Variants in HACE1 observed in about 807,000 individuals in gnomAD.
HACE1 encodes the protein HECT domain and ankyrin repeat containing E3 ubiquitin protein ligase 1, also known as E3 ubiquitin-protein ligase HACE1.
A neutral mutation model predicts 118.4 loss-of-function variants in HACE1; 73 were observed. That is an observed-to-expected ratio of 0.62 (90% CI 0.51 to 0.75). The LOEUF (loss-of-function observed/expected upper bound fraction) is 0.75, where lower values mean the gene tolerates loss of function less well. Among genes scored for constraint, HACE1 ranks in the 30% least tolerant of loss-of-function variants. HACE1 has a pLI of 0.00. For missense variants in HACE1, 749 were observed against 1,102.2 expected, an observed-to-expected ratio of 0.68 and a Z score of 4.54; for synonymous variants, 368 against 374.8, an observed-to-expected ratio of 0.98 and a Z score of 0.21.
chr6:104,848,963 C>T (rs188321427), intron 4 of HACE1, among the ~76,000 whole-genome samples, 179 bp downstream of exon 4: 4 of 151,960 alleles, frequency 2.6e-5, no homozygotes, highest in Admixed American at 2.6e-4. Flanking sequence ...TAAAGAAGAA[C>T]AATATCATCA....
chr6:104,746,839 C>A (rs766080530), intron 20 of HACE1, among the ~76,000 whole-genome samples: 3 of 152,166 alleles, frequency 2.0e-5, no homozygotes, highest in Non-Finnish European at 2.9e-5. Context: ...TCTTACAATT[C>A]ATGAGTTTAA....
chr6:104,768,584 A>G (rs1469592016), intron 19 of HACE1, among the ~76,000 whole-genome samples: 1 of 151,788 alleles, frequency 6.6e-6, no homozygotes, highest in African/African-American at 2.4e-5. Context: ...CACAATTACT[A>G]TACTGGTAAC....
intron 11 of HACE1, among the ~76,000 whole-genome samples, chr6:104,788,425 A>G (rs1782664250): frequency 6.6e-6 from 1 of 152,148 alleles, no homozygotes; most frequent in African/African-American, 2.4e-5. Flanking sequence ...TCTCGAGCTT[A>G]CTGAACGATT....
At chr6:104,744,443 T>C in intron 21 of HACE1, 69 bp downstream of exon 21, 1 of 925,272 alleles carries the variant, frequency 1.1e-6, no homozygotes, top group East Asian at 2.4e-5. Context: ...TTTCATCCAA[T>C]AGTGCTGAAA....
chr6:104,790,365 A>T (rs1020885215), intron 11 of HACE1, among the ~76,000 whole-genome samples: 2 of 152,242 alleles, frequency 1.3e-5, no homozygotes, highest in African/African-American at 4.8e-5. Flanking sequence ...AAAGCTTTCA[A>T]TCCTAACTAG....
intron 3 of HACE1, among the ~76,000 whole-genome samples, 190 bp from the exon 4 acceptor site, chr6:104,849,436 A>G (rs1349846076): frequency 1.3e-5 from 2 of 152,114 alleles, no homozygotes; most frequent in African/African-American, 4.8e-5. Flanking sequence ...TCCTGGGCTC[A>G]AGCAATCCTC....
intron 19 of HACE1, among the ~76,000 whole-genome samples, chr6:104,764,689 CA>C (rs1424625802): frequency 6.6e-6 from 1 of 152,196 alleles, no homozygotes; most frequent in African/African-American, 2.4e-5. Context: ...GCTACTTCAT[CA>C]TCAATGAATG....
chr6:104,732,683 T>C (rs1775341968), intron 22 of HACE1, among the ~76,000 whole-genome samples: 1 of 150,406 alleles, frequency 6.6e-6, no homozygotes, highest in Non-Finnish European at 1.5e-5. Flanking sequence ...ATTGTTTAAA[T>C]GATACATTTT....
intron 4 of HACE1, among the ~76,000 whole-genome samples, chr6:104,847,709 A>G (rs1258945018): frequency 6.6e-6 from 1 of 152,178 alleles, no homozygotes; most frequent in Non-Finnish European, 1.5e-5. Context: ...TCAAATATCT[A>G]GAAGCACAGT....
At chr6:104,859,357 G>A (rs1346614312) in intron 1 of HACE1, 14 of 520,312 alleles carry the variant, frequency 2.7e-5, no homozygotes, top group South Asian at 2.7e-4. Context: ...CACCAACCCA[G>A]TTTCCTCCCG....
chr6:104,786,633 CA>C (rs1215284742), intron 11 of HACE1: 161 of 130,468 alleles, frequency 1.2e-3, no homozygotes, highest in Middle Eastern at 4.0e-3. Flanking sequence ...AACAAACAAA[CA>C]AAAAAAAAAA....
In HACE1 at chr6:104,813,565, G is replaced by C. The variant is rs1771841941; in HGVS notation, c.535-2172C>G. On this transcript the variant is annotated intron_variant, in intron 6 of 23. Coordinates refer to ENST00000262903, the MANE Select transcript of HACE1 (RefSeq NM_020771.4). ...ATTGGCAGCTAGTGGGTAGAGGTCA[G>C]GGATGCAGCTAAATATCCTAAAATT... is the stretch of plus-strand genomic sequence containing the variant. Among the ~76,000 whole-genome samples, 3 of 137,496 alleles carry C rather than the reference G, an allele frequency of 2.2e-5. 1 individual carries two copies. Among genetic ancestry groups the C allele is most frequent in the African/African-American group, 8.8e-5 (3 of 34,244 alleles). 90.2% of individuals were successfully genotyped at this position (137,496 alleles called of 152,430 possible).
In HACE1 at chr6:104,826,063, A is replaced by G. The variant is rs150451719; in HGVS notation, c.534+6979T>C. Among the ~76,000 whole-genome samples the G allele has an allele frequency of 5.3e-3, 801 of 152,344 alleles. 5 individuals carry two copies. The highest frequency in any genetic ancestry group is 0.018 in the African/African-American group (764 of 41,586). ...AGCAACATTTGATTCTCATAGGAGCATGAACTCTGTTGTAAGCTGCCCATG... is the reference window on the plus strand; with the variant it reads ...AGCAACATTTGATTCTCATAGGAGCGTGAACTCTGTTGTAAGCTGCCCATG... On this transcript the variant is annotated intron_variant, in intron 6 of 23. Transcript: ENST00000262903.
chr6:104,831,984 A>AGAAGAGAAGAGAAGAGG (rs201781305), intron 6 of HACE1, among the ~76,000 whole-genome samples: 1,827 of 58,496 alleles, frequency 0.031, 76 homozygotes, highest in Non-Finnish European at 0.043. Context: ...AGAAGAGAGG[A>AGAAGAGAAGAGAAGAGG]AGGAAGGAAG....
intron 22 of HACE1, among the ~76,000 whole-genome samples, chr6:104,743,057 CA>C (rs910684101): frequency 1.9e-4 from 28 of 150,750 alleles, no homozygotes; most frequent in Non-Finnish European, 1.2e-4. Flanking sequence ...TAAACTATCG[CA>C]AGAACAAAAA....
At chr6:104,811,501 T>G (rs1771620438) in intron 6 of HACE1, 108 bp from the exon 7 acceptor site, 1 of 631,956 alleles carries the variant, frequency 1.6e-6, no homozygotes, top group Admixed American at 1.9e-5. Context: ...ACTTGAAGCT[T>G]TACATAGGAA....
intron 5 of HACE1, among the ~76,000 whole-genome samples, chr6:104,838,836 A>G (rs1774797175): frequency 6.9e-6 from 1 of 144,998 alleles, no homozygotes; most frequent in African/African-American, 2.5e-5. Context: ...CAAACTATCC[A>G]TCTGACAAGG....
chr6:104,785,250 T>C lies in HACE1; in HGVS notation c.1144A>G (p.Lys382Glu). The C allele has an allele frequency of 6.2e-7, 1 of 1,613,316 alleles. No individual in the cohort carries two copies. Among genetic ancestry groups the C allele is most frequent in the Non-Finnish European group, 8.5e-7 (1 of 1,179,282 alleles). Residue 382 changes from lysine (K) to glutamate (E), a missense_variant, in exon 12 of 24, where the codon AAA becomes GAA. By Grantham distance (56) the Lys-to-Glu change is moderately conservative. Coordinates refer to ENST00000262903, the MANE Select transcript of HACE1 (RefSeq NM_020771.4). ...GAAGTGATCTCTGTTGAGTCTCTTTTGTTTTTCATCAATTCTGTGGCTATT... is the reference window on the plus strand; with the variant it reads ...GAAGTGATCTCTGTTGAGTCTCTTTCGTTTTTCATCAATTCTGTGGCTATT... Reference protein sequence around the residue: ...VLIATELMKNKRDSTEITSIL... With the variant: ...VLIATELMKNERDSTEITSIL...
rs546026035 is a variant in HACE1, at chr6:104,736,263, CTTAT to C, written c.2514-5851_2514-5848del. ...GTCTATAACCTGTTAATAGTTATGT[CTTAT>C]TTATTTATTATTTTTTATTATTATT... is the stretch of plus-strand genomic sequence containing the variant. On this transcript the variant is annotated intron_variant, in intron 22 of 23. Transcript: ENST00000262903. 3.4e-4 allele frequency among the ~76,000 whole-genome samples: 52 copies of C among 151,230 alleles called. No homozygotes were observed. The South Asian group carries it at 8.6e-3, about 25-fold the overall frequency.
Sources: allele counts gnomAD v4.1 joint callset (sites outside exome capture counted in the v4.1 genomes callset), GRCh38; gene constraint gnomAD v4.1.1; transcripts MANE v1.5; gene names NCBI Gene and HGNC (gene_info 2026-07-23, HGNC 2026-07-21).